Variants in NFASC observed in about 807,000 individuals in gnomAD.
The protein encoded by NFASC is neurofascin homolog.
A neutral mutation model predicts 147.5 loss-of-function variants in NFASC; 43 were observed. That is an observed-to-expected ratio of 0.29 (90% CI 0.23 to 0.38). The LOEUF (loss-of-function observed/expected upper bound fraction) is 0.38. NFASC is among the 10% of genes least tolerant of loss of function. NFASC has a pLI of 1.00. For missense variants in NFASC, 1,320 were observed against 1,689.0 expected, an observed-to-expected ratio of 0.78 and a Z score of 3.83; for synonymous variants, 622 against 665.5, an observed-to-expected ratio of 0.93 and a Z score of 1.01.
At chr1:204,863,772 CAGGGGGCAGAGGTTGCAGTGAGCCA>C (rs2076872693) in intron 1 of NFASC, among the ~76,000 whole-genome samples, 2 of 150,514 alleles carry the variant, frequency 1.3e-5, no homozygotes, top group Admixed American at 6.6e-5. Context: ...TGCTTGAACC[CAGGGGGCAGAGGTTGCAGTGAGCCA>C]AGATCGCGCC....
intron 16 of NFASC, chr1:204,977,166 C>T (rs2095424311): frequency 1.9e-6 from 2 of 1,077,374 alleles, no homozygotes; most frequent in Non-Finnish European, 2.3e-6. Flanking sequence ...TGTGTTTGTG[C>T]TTCCAATGAC....
intron 1 of NFASC, among the ~76,000 whole-genome samples, chr1:204,885,336 G>A (rs2081111440): frequency 6.6e-6 from 1 of 152,084 alleles, no homozygotes. Context: ...AGTCCTGAGT[G>A]GCCAGGAGCC....
intron 1 of NFASC, among the ~76,000 whole-genome samples, chr1:204,871,939 G>A (rs2077780098): frequency 6.6e-6 from 1 of 152,186 alleles, no homozygotes; most frequent in African/African-American, 2.4e-5. Flanking sequence ...TGGTTGGGAG[G>A]GAAAAAGGAG....
intron 1 of NFASC, among the ~76,000 whole-genome samples, chr1:204,843,293 A>G (rs1217952108): frequency 1.3e-5 from 2 of 152,126 alleles, no homozygotes; most frequent in African/African-American, 2.4e-5. Flanking sequence ...TTTTAATTGA[A>G]CATGTTATTG....
chr1:204,930,204 A>G (rs2092232831), intron 2 of NFASC, among the ~76,000 whole-genome samples: 1 of 152,100 alleles, frequency 6.6e-6, no homozygotes, highest in South Asian at 2.1e-4. Context: ...AGTGGAGCAA[A>G]TAGGGTGACA....
intron 1 of NFASC, among the ~76,000 whole-genome samples, chr1:204,866,591 C>T (rs2077127433): frequency 6.6e-6 from 1 of 152,198 alleles, no homozygotes; most frequent in African/African-American, 2.4e-5. Flanking sequence ...ACTTGCTCAG[C>T]TCTAAAGGCC....
intron 1 of NFASC, among the ~76,000 whole-genome samples, chr1:204,864,669 T>C (rs1473449602): frequency 6.6e-6 from 1 of 152,274 alleles, no homozygotes; most frequent in Admixed American, 6.5e-5. Flanking sequence ...TGGCCATTTA[T>C]GTGTCTTCTC....
At position 204,974,666 on chromosome 1, in the gene NFASC, T is replaced by C; in HGVS notation, c.1401T>C (p.Asn467=). 1 of 1,614,156 alleles carries C rather than the reference T, an allele frequency of 6.2e-7. No individual in the cohort carries two copies. Among genetic ancestry groups the C allele is most frequent in the East Asian group, 2.2e-5 (1 of 44,880 alleles). Residue 467 remains asparagine (N), a synonymous_variant, in exon 14 of 30, where the codon AAT becomes AAC. Coordinates refer to ENST00000339876, the MANE Select transcript of NFASC (RefSeq NM_001005388.3). The part of the protein sequence containing the change: ...SPIPTLRWFK[N]GQGSNLDGGN... ...GCTGCTCTGTTGTGAGGTTTAAGAA[T>C]GGGCAAGGAAGCAACCTGGATGGTG...
rs779606537 is a variant in NFASC, at chr1:204,986,025, A to C, written c.2471-1393A>C. On this transcript the variant is annotated intron_variant, in intron 21 of 29. Transcript: ENST00000339876. This position sits in a 1 kb window ranked among gnomAD's most constrained non-coding sequence, Gnocchi z 4.2. ...GGCGTGGTGTCCCGCCTCTTCCCCT[A>C]CAGTAACTACAAGCTGGAGATGGTT... is the stretch of plus-strand genomic sequence containing the variant. The C allele has an allele frequency of 1.2e-6, 2 of 1,614,040 alleles. No individual in the cohort carries two copies. The highest frequency in any genetic ancestry group is 3.3e-5 in the Admixed American group (2 of 60,032).
chr1:204,995,947 C>A (rs1271862057), intron 24 of NFASC, among the ~76,000 whole-genome samples: 3 of 152,086 alleles, frequency 2.0e-5, no homozygotes, highest in African/African-American at 7.2e-5. Context: ...CTGCCTACTG[C>A]CCCATTAGCG....
At chr1:204,941,525 C>T (rs576815917) in intron 2 of NFASC, among the ~76,000 whole-genome samples, 12 of 152,316 alleles carry the variant, frequency 7.9e-5, no homozygotes, top group Non-Finnish European at 1.5e-4. Context: ...CTAAACCAAA[C>T]ATGGTGGTCG....
intron 1 of NFASC, among the ~76,000 whole-genome samples, chr1:204,898,771 G>T (rs2083907933): frequency 6.6e-6 from 1 of 152,214 alleles, no homozygotes; most frequent in Non-Finnish European, 1.5e-5. Flanking sequence ...CTCCTTTCAG[G>T]AGACTCACAA....
chr1:204,902,325 A>G (rs1171529556), intron 1 of NFASC, among the ~76,000 whole-genome samples: 1 of 152,246 alleles, frequency 6.6e-6, no homozygotes, highest in African/African-American at 2.4e-5. Context: ...CAGAACTTAT[A>G]TAATAGAATA....
At chr1:204,870,775 G>C in intron 1 of NFASC, 1 of 1,166,204 alleles carries the variant, frequency 8.6e-7, no homozygotes. Flanking sequence ...TGGTGGGCTT[G>C]AGATAATAAA....
rs553563511 is a variant in NFASC at position 204,973,257 on chromosome 1, G to A, written c.1136-19G>A. On this transcript the variant is annotated intron_variant, in intron 11 of 29. Transcript: ENST00000339876. ...GCCCTCCCCATCTCTCATGAGGAGC[G>A]TCTCTTTCTTGTCTGTAGCGGCACC... 2.1e-5 allele frequency: 34 copies of A among 1,613,634 alleles called. No individual in the cohort carries two copies. The highest frequency in any genetic ancestry group is 3.3e-4 in the Middle Eastern group (2 of 6,060).
intron 19 of NFASC, among the ~76,000 whole-genome samples, chr1:204,980,063 A>G (rs2095482250): frequency 6.6e-6 from 1 of 152,274 alleles, no homozygotes. Flanking sequence ...GATAATCCAC[A>G]AAGGAGCTAA....
At chr1:204,856,347 T>A (rs1414829391) in intron 1 of NFASC, among the ~76,000 whole-genome samples, 1 of 147,060 alleles carries the variant, frequency 6.8e-6, no homozygotes, top group African/African-American at 2.5e-5. Context: ...TCTGATGGAG[T>A]TGGTCACAAA....
At position 204,933,698 on chromosome 1, in the gene NFASC, G is replaced by A. The variant is rs1200908350; in HGVS notation, c.-90-10528G>A. On this transcript the variant is annotated intron_variant, in intron 2 of 29. Transcript: ENST00000339876. ...CTAGATTCAGCCAGTGGGAGGTCAG[G>A]AGAGGAGAGTTAGAGGAGCATGAGG... 3.3e-5 allele frequency among the ~76,000 whole-genome samples: 5 copies of A among 151,808 alleles called. No individual in the cohort carries two copies. The South Asian group carries it at 8.3e-4, about 25-fold the overall frequency.
chr1:204,831,741 A>T (rs1672277627), intron 1 of NFASC, among the ~76,000 whole-genome samples: 1 of 151,994 alleles, frequency 6.6e-6, no homozygotes, highest in African/African-American at 2.4e-5. Flanking sequence ...AAGTGAGAGG[A>T]ACGTAAGGCC....
Sources: gnomAD v4.1 joint callset for allele counts (sites outside exome capture counted in the v4.1 genomes callset) on GRCh38, gnomAD v4.1.1 for gene constraint, Gnocchi (gnomAD v3.1) non-coding constraint, MANE v1.5 for transcripts, NCBI Gene and HGNC (gene_info 2026-07-23, HGNC 2026-07-21) for gene names.